HTT: variants seen among roughly 807,000 people sequenced by gnomAD.
The protein encoded by HTT is huntingtin, also known as huntington disease protein.
A neutral mutation model predicts 362.3 loss-of-function variants in HTT; 104 were observed. The ratio of observed to expected loss-of-function variants is 0.29; its 90% CI spans 0.24 to 0.34. HTT has a LOEUF of 0.34. Ranked by LOEUF, HTT falls within the 10% of genes least tolerant of loss-of-function variation. The pLI, the probability that HTT is intolerant of heterozygous loss-of-function variation, is 1.00. For synonymous variants in HTT, 1,577 were observed against 1,548.7 expected (o/e 1.02, Z -0.43); for missense variants, 3,301 against 3,928.6 (o/e 0.84, Z 4.27).
chr4:3,209,690 C>A, intron 46 of HTT, 137 bp from the exon 47 acceptor site: 1 of 1,027,042 alleles, frequency 9.7e-7, no homozygotes, highest in Non-Finnish European at 1.4e-6. Context: ...AGCCGTATAG[C>A]CACAGCCTGC....
At chr4:3,209,372 C>T (rs759130908) in intron 46 of HTT, among the ~76,000 whole-genome samples, 1 of 152,212 alleles carries the variant, frequency 6.6e-6, no homozygotes, top group African/African-American at 2.4e-5. Flanking sequence ...TGGTACTCTA[C>T]TTTCCTGGAC....
Position 3,146,959 on chromosome 4 carries a change from T to C in HTT, c.3295+11T>C. 1 of 1,614,038 alleles carries C rather than the reference T, an allele frequency of 6.2e-7. No homozygotes were observed. Among genetic ancestry groups the C allele is most frequent in the Non-Finnish European group, 8.5e-7 (1 of 1,179,870 alleles). ...GAAACTTGCTTGCAGGTACTGGTAC[T>C]GAGTTGAAACAGGGACTCCAGGACT... On this transcript the variant is annotated intron_variant, in intron 25 of 66. Transcript: ENST00000355072.
chr4:3,194,170 AC>A (rs1414755558), intron 40 of HTT, among the ~76,000 whole-genome samples: 1 of 152,232 alleles, frequency 6.6e-6, no homozygotes, highest in East Asian at 1.9e-4. Flanking sequence ...GAAAATGAAG[AC>A]CTTTAAATTT....
chr4:3,176,723 G>A (rs1392848147), intron 33 of HTT, among the ~76,000 whole-genome samples: 5 of 152,208 alleles, frequency 3.3e-5, no homozygotes, highest in Non-Finnish European at 5.9e-5. Flanking sequence ...TTATGAACAA[G>A]AATAGAACAC....
intron 21 of HTT, among the ~76,000 whole-genome samples, chr4:3,139,537 G>C (rs998596322): frequency 2.6e-5 from 4 of 152,210 alleles, no homozygotes; most frequent in African/African-American, 9.6e-5. Context: ...TTCTACTCAT[G>C]ATCAAGTCTC....
chr4:3,138,601 A>G (rs1380417417), intron 21 of HTT, among the ~76,000 whole-genome samples: 1 of 152,134 alleles, frequency 6.6e-6, no homozygotes, highest in Non-Finnish European at 1.5e-5. Flanking sequence ...GCAGAAGTTG[A>G]TACTTCTCTT....
chr4:3,180,062 T>C (rs1718440435), intron 35 of HTT, among the ~76,000 whole-genome samples: 1 of 152,238 alleles, frequency 6.6e-6, no homozygotes, highest in South Asian at 2.1e-4. Context: ...CTTATCTATC[T>C]AATGACAGAG....
At chr4:3,154,250 T>G in intron 26 of HTT, 43 bp from the exon 27 acceptor site, 1 of 1,434,728 alleles carries the variant, frequency 7.0e-7, no homozygotes, top group Non-Finnish European at 9.4e-7. Context: ...TTCCATCACA[T>G]GTTTTTGTTT....
At chr4:3,207,941 G>C (rs540873451) in intron 45 of HTT, among the ~76,000 whole-genome samples, 1 of 152,216 alleles carries the variant, frequency 6.6e-6, no homozygotes, top group South Asian at 2.1e-4. Context: ...GGGCGGGGTG[G>C]GGGGCAGGGA....
At chr4:3,188,809 C>T (rs965678456) in intron 39 of HTT, 142 bp from the exon 40 acceptor site, 31 of 742,308 alleles carry the variant, frequency 4.2e-5, no homozygotes, top group East Asian at 2.7e-4. Context: ...ACGGCGACGG[C>T]GCTCTGCATT....
chr4:3,094,000 G>A (rs1003785220), intron 2 of HTT, among the ~76,000 whole-genome samples: 2 of 149,416 alleles, frequency 1.3e-5, no homozygotes, highest in African/African-American at 4.9e-5. Context: ...CAATAGTGGA[G>A]GGAAGGTCAG....
chr4:3,209,208 A>G (rs1173789506), intron 46 of HTT, among the ~76,000 whole-genome samples: 1 of 152,094 alleles, frequency 6.6e-6, no homozygotes, highest in East Asian at 1.9e-4. Flanking sequence ...GCACATGTCA[A>G]TGCCGTTAGC....
intron 56 of HTT, among the ~76,000 whole-genome samples, chr4:3,225,307 T>C (rs558475583): frequency 6.6e-6 from 1 of 152,192 alleles, no homozygotes; most frequent in Non-Finnish European, 1.5e-5. Flanking sequence ...GCCTGGACTG[T>C]CGGCTCGCCT....
intron 19 of HTT, 94 bp from the exon 20 acceptor site, chr4:3,135,810 A>G: frequency 1.1e-6 from 1 of 889,382 alleles, no homozygotes; most frequent in East Asian, 2.7e-5. Flanking sequence ...AGGTCCTTCC[A>G]GGGCACCTGG....
In HTT at chr4:3,075,098, G is replaced by C. The variant is rs1057004162; in HGVS notation, c.263+10G>C. 1.6e-6 allele frequency: 2 copies of C among 1,230,154 alleles called. No homozygotes were observed. The highest frequency in any genetic ancestry group is 2.0e-6 in the Non-Finnish European group (2 of 989,186). The allele number at this position is 1,230,154 out of a possible 1,614,324, so 76.2% of individuals were successfully genotyped here. A position where few individuals can be genotyped will look rare whatever the true frequency, so the allele number is the denominator to read the frequency against. On this transcript the variant is annotated intron_variant, in intron 1 of 66. Coordinates refer to ENST00000355072, the MANE Select transcript of HTT (RefSeq NM_001388492.1). ...AGCCGCTGCACCGACCGTGAGTTTG[G>C]GCCCGCTGCAGCTCCCTGTCCCGGC...
intron 21 of HTT, among the ~76,000 whole-genome samples, chr4:3,137,290 T>C (rs1578527624): frequency 6.6e-6 from 1 of 152,240 alleles, no homozygotes; most frequent in African/African-American, 2.4e-5. Flanking sequence ...TTTGAGTGTA[T>C]AGTAAACTCC....
Position 3,208,799 on chromosome 4 carries a change from A to G in HTT, c.6179A>G (p.Asp2060Gly), listed in dbSNP as rs1719994341. 2 of 1,613,546 alleles carry G rather than the reference A, an allele frequency of 1.2e-6. No individual in the cohort carries two copies. The highest frequency in any genetic ancestry group is 4.5e-5 in the East Asian group (2 of 44,856). The change falls in exon 46 of 67, where the codon GAC (aspartate) becomes GGC (glycine). Residue 2060 changes from aspartate (D) to glycine (G), a missense_variant. Asp to Gly is a moderately conservative substitution (Grantham distance 94). Around this residue, in one of 4 missense-constraint regions of HTT, gnomAD observed 2,316 missense variants for 2,658.5 expected, o/e 0.87. Transcript: ENST00000355072. ...CACCAAAGGCTCTATTCCCTGCTGG[A>G]CAGGTTTCGTCTCTCCACCATGCAA... ...QRHQRLYSLL[D>G]RFRLSTMQDS...
intron 50 of HTT, among the ~76,000 whole-genome samples, chr4:3,214,720 T>C (rs1478594909): frequency 1.3e-5 from 2 of 152,236 alleles, no homozygotes; most frequent in Admixed American, 6.5e-5. Context: ...ATAATTGTTT[T>C]CATCTGTGCA....
intron 18 of HTT, among the ~76,000 whole-genome samples, chr4:3,133,405 G>A (rs1715914604): frequency 6.6e-6 from 1 of 151,674 alleles, no homozygotes; most frequent in South Asian, 2.1e-4. Flanking sequence ...AGGTGGAGGG[G>A]GGATTGCTTG....
Sources: gnomAD v4.1 joint callset for allele counts (sites outside exome capture counted in the v4.1 genomes callset) on GRCh38, gnomAD v4.1.1 for gene constraint, gnomAD v4.1.1 regional missense constraint, MANE v1.5 for transcripts, NCBI Gene and HGNC (gene_info 2026-07-23, HGNC 2026-07-21) for gene names.